GNB4: variants seen among roughly 807,000 people sequenced by gnomAD.
GNB4 encodes guanine nucleotide-binding protein subunit beta-4.
Under a neutral mutation model 45.2 loss-of-function variants are expected in GNB4, and 28 were observed. The ratio of observed to expected loss-of-function variants is 0.62; its 90% CI spans 0.46 to 0.85. GNB4 has a LOEUF of 0.85. Among genes scored for constraint, GNB4 ranks in the 40% least tolerant of loss-of-function variants. The pLI, the probability that GNB4 is intolerant of heterozygous loss-of-function variation, is 0.00. For missense variants in GNB4, 321 were observed against 425.4 expected, an observed-to-expected ratio of 0.75 and a Z score of 2.16; for synonymous variants, 132 against 143.7, an observed-to-expected ratio of 0.92 and a Z score of 0.58.
At chr3:179,460,467 A>T in the GNB4 span, among the ~76,000 whole-genome samples, 1 of 152,232 alleles carries the variant, frequency 6.6e-6, no homozygotes, top group African/African-American at 2.4e-5. Context: ...AGTGACAATG[A>T]GTCAGATATG....
At chr3:179,464,344 C>G in the GNB4 span, 16 of 748,030 alleles carry the variant, frequency 2.1e-5, no homozygotes, top group African/African-American at 5.2e-5. Flanking sequence ...CCGGCACAGG[C>G]TATGGCTGCG....
chr3:179,426,075 C>T (rs1560218350), intron 2 of GNB4, 69 bp downstream of exon 2: 2 of 1,249,896 alleles, frequency 1.6e-6, no homozygotes, highest in Non-Finnish European at 2.3e-6. Context: ...GACTGATAAA[C>T]TAATAGGCAA....
At chr3:179,447,543 G>C (rs1232863860) in intron 1 of GNB4, among the ~76,000 whole-genome samples, 1 of 151,906 alleles carries the variant, frequency 6.6e-6, no homozygotes, top group Non-Finnish European at 1.5e-5. Context: ...TAACAATAAT[G>C]GGTTCTGACG....
In GNB4 at chr3:179,400,799, CTGTT is replaced by C. The variant is rs1006463945; in HGVS notation, c.*410_*413del. 4.5e-5 allele frequency: 7 copies of C among 154,020 alleles called. No homozygotes were observed. The highest frequency in any genetic ancestry group is 1.7e-4 in the African/African-American group (7 of 41,628). 9.5% of individuals were successfully genotyped at this position (154,020 alleles called of 1,614,324 possible). On this transcript the variant is annotated 3_prime_UTR_variant, in exon 10 of 10. Coordinates refer to ENST00000232564, the MANE Select transcript of GNB4 (RefSeq NM_021629.4). ...CACACACATACAGTATCATTTCTGT[CTGTT>C]TCTGTGCCTGGTTCTTCCATTACAA... is the stretch of plus-strand genomic sequence containing the variant.
At chr3:179,508,930 GTGTATATATATATA>G in the GNB4 span, among the ~76,000 whole-genome samples, 1 of 47,126 alleles carries the variant, frequency 2.1e-5, no homozygotes, top group Admixed American at 2.5e-4. Flanking sequence ...CTTTCAGCAT[GTGTATATATATATA>G]TATATATATA....
chr3:179,432,258 T>C (rs1233114383), intron 1 of GNB4, among the ~76,000 whole-genome samples: 2 of 152,228 alleles, frequency 1.3e-5, no homozygotes, highest in Admixed American at 6.5e-5. Flanking sequence ...TTTCTTTGGA[T>C]GTCTAAAAAG....
intron 4 of GNB4, among the ~76,000 whole-genome samples, chr3:179,417,212 T>C (rs925130749): frequency 2.0e-5 from 3 of 152,194 alleles, no homozygotes; most frequent in African/African-American, 4.8e-5. Context: ...GAGAAAGCTA[T>C]GTAAGATCAA....
At chr3:179,485,599 G>A in the GNB4 span, among the ~76,000 whole-genome samples, 1 of 152,112 alleles carries the variant, frequency 6.6e-6, no homozygotes, top group Non-Finnish European at 1.5e-5. Flanking sequence ...TAGGTGGAGT[G>A]TATTTTTCTC....
chr3:179,406,629 T>C (rs1714478543), intron 8 of GNB4, among the ~76,000 whole-genome samples: 1 of 151,750 alleles, frequency 6.6e-6, no homozygotes, highest in Non-Finnish European at 1.5e-5. Flanking sequence ...TTTGTTATTT[T>C]TGAGACAGAG....
Position 179,405,723 on chromosome 3 carries a change from A to G in GNB4, c.700-317T>C, listed in dbSNP as rs74976334. The G allele has an allele frequency of 1.0e-3, 190 of 183,102 alleles. 1 individual carries two copies. Among genetic ancestry groups the G allele is most frequent in the Middle Eastern group, 6.2e-3 (3 of 484 alleles). 11.3% of individuals were successfully genotyped at this position (183,102 alleles called of 1,614,324 possible). A position where few individuals can be genotyped will look rare whatever the true frequency, so the allele number is the denominator to read the frequency against. On this transcript the variant is annotated intron_variant, in intron 8 of 9. Coordinates refer to ENST00000232564, the MANE Select transcript of GNB4 (RefSeq NM_021629.4). ...AAGTACTAATATTTATAGAATATATATGTGTGTGTGTGTGGCTGTTGTAGA... is the reference window on the plus strand; with the variant it reads ...AAGTACTAATATTTATAGAATATATGTGTGTGTGTGTGTGGCTGTTGTAGA...
intron 1 of GNB4, among the ~76,000 whole-genome samples, chr3:179,429,581 A>G (rs1267450062): frequency 6.6e-6 from 1 of 152,162 alleles, no homozygotes; most frequent in Non-Finnish European, 1.5e-5. Context: ...TTCATCCAGT[A>G]CTTCATCAGG....
chr3:179,432,921 G>A (rs567593943), intron 1 of GNB4, among the ~76,000 whole-genome samples: 1 of 152,096 alleles, frequency 6.6e-6, no homozygotes, highest in Admixed American at 6.6e-5. Context: ...GAAAGTGGAG[G>A]GGGGGTGGAA....
chr3:179,454,299 C>T (rs1180292219), upstream of GNB4, among the ~76,000 whole-genome samples: 2 of 152,130 alleles, frequency 1.3e-5, no homozygotes, highest in Admixed American at 1.3e-4. Flanking sequence ...TTTGTGTCTG[C>T]CATAGTGTTT....
chr3:179,419,234 G>C (rs1385225931), intron 4 of GNB4, among the ~76,000 whole-genome samples, 165 bp downstream of exon 4: 2 of 152,174 alleles, frequency 1.3e-5, no homozygotes, highest in Non-Finnish European at 2.9e-5. Context: ...CTTTTAAAGA[G>C]TCAATTAATA....
At chr3:179,464,650 T>C in the GNB4 span, 2 of 1,114,710 alleles carry the variant, frequency 1.8e-6, no homozygotes, top group Non-Finnish European at 1.4e-6. Context: ...AGTGAGACAA[T>C]TGTGAAACCA....
chr3:179,490,807 C>G, the GNB4 span, among the ~76,000 whole-genome samples: 2 of 152,214 alleles, frequency 1.3e-5, no homozygotes, highest in Non-Finnish European at 2.9e-5. Context: ...ACATGCCAAT[C>G]TCCTTTGGAA....
intron 8 of GNB4, among the ~76,000 whole-genome samples, chr3:179,409,329 G>A (rs991912958): frequency 6.6e-6 from 1 of 151,284 alleles, no homozygotes; most frequent in African/African-American, 2.4e-5. Flanking sequence ...TGACCACATG[G>A]AGAAACCTCG....
chr3:179,452,732 T>C (rs1463796407), upstream of GNB4, among the ~76,000 whole-genome samples: 3 of 152,154 alleles, frequency 2.0e-5, no homozygotes, highest in Non-Finnish European at 2.9e-5. Flanking sequence ...GGATAATTTT[T>C]CCCCCAAAAT....
the GNB4 span, among the ~76,000 whole-genome samples, chr3:179,520,223 G>A: frequency 0.59 from 77,717 of 131,932 alleles, 24,150 homozygotes; most frequent in East Asian, 0.96. Context: ...ACTGCCGCAA[G>A]GCTTCACAGA....
Sources: gnomAD v4.1 joint callset for allele counts (sites outside exome capture counted in the v4.1 genomes callset) on GRCh38, gnomAD v4.1.1 for gene constraint, MANE v1.5 for transcripts, NCBI Gene and HGNC (gene_info 2026-07-23, HGNC 2026-07-21) for gene names.